The following FCER1A variants were observed in gnomAD, a reference collection of about 807,000 sequenced individuals.
The protein encoded by FCER1A is Fc epsilon receptor Ia.
FCER1A carries 24 observed loss-of-function variants against 23.6 expected under a neutral mutation model. The observed-to-expected ratio is 1.02, with a 90% CI of 0.74 to 1.43. The LOEUF is 1.43. Among genes scored for constraint, FCER1A ranks in the 40% most tolerant of loss-of-function variants. FCER1A has a pLI of 0.00. For synonymous variants in FCER1A, 121 were observed against 108.8 expected (o/e 1.11, Z -0.70); for missense variants, 318 against 294.5 (o/e 1.08, Z -0.58).
chr1:159,294,346 T>C (rs1652240367), intron 1 of FCER1A, among the ~76,000 whole-genome samples: 1 of 152,212 alleles, frequency 6.6e-6, no homozygotes, highest in African/African-American at 2.4e-5. Context: ...TCCAAAGTCT[T>C]TCTTTTTATG....
At chr1:159,288,328 C>A (rs1652066751), upstream of FCER1A, among the ~76,000 whole-genome samples, 1 of 152,048 alleles carries the variant, frequency 6.6e-6, no homozygotes, top group South Asian at 2.1e-4. Context: ...GGGGCTACAC[C>A]AAGATTTTTC....
At chr1:159,304,442 A>G (rs1347189310) in intron 3 of FCER1A, among the ~76,000 whole-genome samples, 1 of 146,310 alleles carries the variant, frequency 6.8e-6, no homozygotes, top group Non-Finnish European at 1.5e-5. Flanking sequence ...CTGCTAAAAA[A>G]TATATATATA....
chr1:159,295,974 T>C (rs1412303945), intron 1 of FCER1A, among the ~76,000 whole-genome samples: 1 of 152,182 alleles, frequency 6.6e-6, no homozygotes, highest in Non-Finnish European at 1.5e-5. Flanking sequence ...ATATTTCTAG[T>C]TTGTCTATAA....
At chr1:159,302,171 GTGGGTAAA>G (rs1652448299), upstream of FCER1A, 1 of 609,086 alleles carries the variant, frequency 1.6e-6, no homozygotes, top group Non-Finnish European at 3.0e-6. Flanking sequence ...AGTGGAGTAA[GTGGGTAAA>G]TATTAAATTG....
upstream of FCER1A, among the ~76,000 whole-genome samples, chr1:159,297,965 C>T (rs750125865): frequency 6.6e-6 from 1 of 152,096 alleles, no homozygotes; most frequent in Non-Finnish European, 1.5e-5. Flanking sequence ...TTGTTCTCCC[C>T]ATTATGAAGA....
intron 1 of FCER1A, among the ~76,000 whole-genome samples, chr1:159,296,859 G>A (rs1652304626): frequency 1.3e-5 from 2 of 152,130 alleles, no homozygotes; most frequent in South Asian, 4.1e-4. Context: ...TGATGAGAAA[G>A]TTTCAGAATG....
chr1:159,293,744 T>C (rs1165948937), intron 1 of FCER1A, among the ~76,000 whole-genome samples: 2 of 151,962 alleles, frequency 1.3e-5, no homozygotes, highest in African/African-American at 4.8e-5. Flanking sequence ...TATGGCTGCA[T>C]AGTATTCCAT....
chr1:159,304,364 G>A lies in FCER1A; in HGVS notation c.331+182G>A, dbSNP rs112447251. ...CGCCTGTAATCCCAGCACTTTGGGA[G>A]GCTGAGGCAGGTGGATCACGAGGTC... On this transcript the variant is annotated intron_variant, in intron 3 of 4. Transcript: ENST00000693622. Among the ~76,000 whole-genome samples, 552 of 152,234 alleles carry A rather than the reference G, an allele frequency of 3.6e-3. 19 individuals are homozygous for A. In the East Asian group the frequency reaches 0.077, roughly 21 times the overall value.
In FCER1A at chr1:159,302,885, T is replaced by C; in HGVS notation, c.76+11T>C. 6.2e-7 allele frequency: 1 copy of C among 1,613,196 alleles called. No individual in the cohort carries two copies. The highest frequency in any genetic ancestry group is 8.5e-7 in the Non-Finnish European group (1 of 1,179,108). ...ATGGCGTGTTAGCAGGTGAGTCCTCTGTTCTTGTTCCCTTGGTGTTTCAAC... is the reference window on the plus strand; with the variant it reads ...ATGGCGTGTTAGCAGGTGAGTCCTCCGTTCTTGTTCCCTTGGTGTTTCAAC... On this transcript the variant is annotated intron_variant, in intron 2 of 4. Transcript: ENST00000693622.
chr1:159,297,839 G>A (rs948986286), upstream of FCER1A, among the ~76,000 whole-genome samples: 9 of 152,030 alleles, frequency 5.9e-5, no homozygotes, highest in African/African-American at 2.2e-4. Context: ...CTGGCAGTCC[G>A]AGACTAGCTT....
At chr1:159,285,773 A>C (rs1476367742), upstream of FCER1A, among the ~76,000 whole-genome samples, 1 of 152,204 alleles carries the variant, frequency 6.6e-6, no homozygotes, top group Non-Finnish European at 1.5e-5. Context: ...TCTGTATTTT[A>C]TCTGGGAACT....
At chr1:159,287,542 C>T, upstream of FCER1A, among the ~76,000 whole-genome samples, 1 of 151,902 alleles carries the variant, frequency 6.6e-6, no homozygotes, top group Non-Finnish European at 1.5e-5. Context: ...TTGGTGGTTT[C>T]CACAAAGGAT....
chr1:159,297,802 G>T (rs1490867361), upstream of FCER1A, among the ~76,000 whole-genome samples: 3 of 151,994 alleles, frequency 2.0e-5, no homozygotes, highest in East Asian at 5.8e-4. Flanking sequence ...CTTCTTGGGA[G>T]GATGAGGTGG....
chr1:159,283,836 A>C, the FCER1A span, among the ~76,000 whole-genome samples: 1 of 152,236 alleles, frequency 6.6e-6, no homozygotes, highest in African/African-American at 2.4e-5. Context: ...GGAGAAGAGA[A>C]TCCCTCTGCC....
At chr1:159,291,008 T>C (rs1652137126) in intron 1 of FCER1A, among the ~76,000 whole-genome samples, 1 of 152,242 alleles carries the variant, frequency 6.6e-6, no homozygotes, top group Non-Finnish European at 1.5e-5. Context: ...CTATATGCTA[T>C]AGGCAAGCCA....
intron 4 of FCER1A, among the ~76,000 whole-genome samples, chr1:159,306,960 G>C (rs552140481): frequency 3.9e-5 from 6 of 152,272 alleles, no homozygotes; most frequent in Admixed American, 3.3e-4. Context: ...TAACTAATTT[G>C]AGACTGAAGT....
chr1:159,306,568 T>A (rs1212433008), intron 4 of FCER1A, among the ~76,000 whole-genome samples: 1 of 152,182 alleles, frequency 6.6e-6, no homozygotes, highest in East Asian at 1.9e-4. Context: ...GATCTCAAAG[T>A]CATCTGTTGC....
At chr1:159,286,371 T>C (rs993374365), upstream of FCER1A, among the ~76,000 whole-genome samples, 10 of 151,920 alleles carry the variant, frequency 6.6e-5, no homozygotes, top group South Asian at 2.1e-4. Context: ...CTCTCTCTGT[T>C]GCCCAGGCTG....
At chr1:159,293,649 T>A (rs1652216594) in intron 1 of FCER1A, among the ~76,000 whole-genome samples, 1 of 144,706 alleles carries the variant, frequency 6.9e-6, no homozygotes, top group Admixed American at 8.6e-5. Flanking sequence ...CGGTGTTTGG[T>A]TTTTTGTTCT....
Sources: gnomAD v4.1 joint callset for allele counts (sites outside exome capture counted in the v4.1 genomes callset) on GRCh38, gnomAD v4.1.1 for gene constraint, MANE v1.5 for transcripts, NCBI Gene and HGNC (gene_info 2026-07-23, HGNC 2026-07-21) for gene names.